The following PRDX3 variants were observed in gnomAD, a reference collection of about 807,000 sequenced individuals.
PRDX3 encodes peroxiredoxin 3, also known as thioredoxin-dependent peroxide reductase, mitochondrial.
PRDX3 carries 20 observed loss-of-function variants against 30.4 expected under a neutral mutation model. The observed-to-expected ratio is 0.66, with a 90% CI of 0.46 to 0.96. The LOEUF (loss-of-function observed/expected upper bound fraction) is 0.96, where lower values mean the gene tolerates loss of function less well. Among genes scored for constraint, PRDX3 ranks in the 40% least tolerant of loss-of-function variants. PRDX3 has a pLI of 0.00. For missense variants in PRDX3, 322 were observed against 318.3 expected (o/e 1.01, Z -0.09); for synonymous variants, 124 against 117.8 (o/e 1.05, Z -0.34).
intron 5 of PRDX3, 28 bp from the exon 6 acceptor site, chr10:119,169,370 C>T (rs1422048559): frequency 6.3e-7 from 1 of 1,597,930 alleles, no homozygotes; most frequent in African/African-American, 1.3e-5. Flanking sequence ...CTCATCAGTG[C>T]CTCAACAGTA....
chr10:119,177,066 T>G lies in PRDX3; in HGVS notation c.124A>C (p.Asn42His). The G allele has an allele frequency of 6.2e-7, 1 of 1,614,104 alleles. No homozygotes were observed. The highest frequency in any genetic ancestry group is 8.5e-7 in the Non-Finnish European group (1 of 1,179,954). ...PAACGRTSLT[N>H]LLCSGSSQAK... ...TGACTGGAACCAGAACACAATAAAT[T>G]TGTCAAGCTCGTTCTTCCACATGCA... The change falls in exon 2 of 7, where the codon AAT (asparagine) becomes CAT (histidine). Residue 42 changes from asparagine (N) to histidine (H), a missense_variant. Coordinates refer to ENST00000298510, the MANE Select transcript of PRDX3 (RefSeq NM_006793.5).
intron 2 of PRDX3, chr10:119,174,872 T>C (rs986940341): frequency 2.3e-5 from 7 of 304,890 alleles, no homozygotes; most frequent in Non-Finnish European, 4.2e-5. Flanking sequence ...ATCTCTAGAT[T>C]ACTCATAATA....
intron 2 of PRDX3, among the ~76,000 whole-genome samples, chr10:119,176,094 T>C (rs1197228641): frequency 6.6e-6 from 1 of 152,010 alleles, no homozygotes; most frequent in African/African-American, 2.4e-5. Context: ...TCGATTTCAG[T>C]GATCTTAGAC....
chr10:119,178,395 T>TGTAG (rs1286473007), intron 1 of PRDX3, among the ~76,000 whole-genome samples: 25 of 152,332 alleles, frequency 1.6e-4, no homozygotes, highest in African/African-American at 6.0e-4. Flanking sequence ...AACGCCTTGA[T>TGTAG]GTAGGCATCA....
At chr10:119,175,614 C>A (rs952653776) in intron 2 of PRDX3, among the ~76,000 whole-genome samples, 1 of 152,018 alleles carries the variant, frequency 6.6e-6, no homozygotes, top group African/African-American at 2.4e-5. Flanking sequence ...CCAGGATGGT[C>A]TCCATCTCCT....
rs1031522345 is a variant in PRDX3 at position 119,168,666 on chromosome 10, G to C, written c.718-133C>G. 4.1e-6 allele frequency: 6 copies of C among 1,464,170 alleles called. No individual in the cohort carries two copies. The African/African-American group carries it at 5.7e-5, about 14-fold the overall frequency. The allele number at this position is 1,464,170 out of a possible 1,614,324, so 90.7% of individuals were successfully genotyped here. On this transcript the variant is annotated intron_variant, in intron 6 of 6. Transcript: ENST00000298510. ...AAGATTTCCTTTAAAACATAAAGATGAAAGTTTCATTAAGGCCTGCCTGTC... is the reference window on the plus strand; with the variant it reads ...AAGATTTCCTTTAAAACATAAAGATCAAAGTTTCATTAAGGCCTGCCTGTC...
At chr10:119,168,833 G>T (rs575448748) in intron 6 of PRDX3, among the ~76,000 whole-genome samples, 1 of 152,192 alleles carries the variant, frequency 6.6e-6, no homozygotes, top group Non-Finnish European at 1.5e-5. Flanking sequence ...AAAATTAGCC[G>T]TGGTGGTGGG....
chr10:119,168,426 G>C lies in PRDX3; in HGVS notation c.*54C>G. 1 of 1,608,686 alleles carries C rather than the reference G, an allele frequency of 6.2e-7. No homozygotes were observed. Among genetic ancestry groups the C allele is most frequent in the Non-Finnish European group, 8.5e-7 (1 of 1,178,978 alleles). On this transcript the variant is annotated 3_prime_UTR_variant, in exon 7 of 7. Transcript: ENST00000298510. Reference sequence around the variant, plus strand: ...ACCATCTTGAAAATGATAAAAGCAGGTTTCAACTGTGGTTCTTCTCTCAGT... The same window carrying C: ...ACCATCTTGAAAATGATAAAAGCAGCTTTCAACTGTGGTTCTTCTCTCAGT...
Position 119,168,446 on chromosome 10 carries a change from C to G in PRDX3, c.*34G>C. ...AGCAGGTTTCAACTGTGGTTCTTCTCTCAGTTGAGAAGGTGCAGATACACA... is the reference window on the plus strand; with the variant it reads ...AGCAGGTTTCAACTGTGGTTCTTCTGTCAGTTGAGAAGGTGCAGATACACA... On this transcript the variant is annotated 3_prime_UTR_variant, in exon 7 of 7. Coordinates refer to ENST00000298510, the MANE Select transcript of PRDX3 (RefSeq NM_006793.5). 1 of 1,610,558 alleles carries G rather than the reference C, an allele frequency of 6.2e-7. No homozygotes were observed. Among genetic ancestry groups the G allele is most frequent in the East Asian group, 2.2e-5 (1 of 44,846 alleles).
chr10:119,172,560 G>C (rs1019254698), intron 4 of PRDX3, 75 bp from the exon 5 acceptor site: 2 of 1,206,606 alleles, frequency 1.7e-6, no homozygotes, highest in East Asian at 2.3e-5. Context: ...CAATGTTTGA[G>C]ACCAACAGTA....
At chr10:119,176,197 GA>G (rs1848022267) in intron 2 of PRDX3, among the ~76,000 whole-genome samples, 1 of 152,188 alleles carries the variant, frequency 6.6e-6, no homozygotes, top group African/African-American at 2.4e-5. Context: ...ACCCAGGAAT[GA>G]GCGACAGAGT....
At chr10:119,176,940 C>CA (rs1848042748) in intron 2 of PRDX3, 81 bp downstream of exon 2, 1 of 1,566,466 alleles carries the variant, frequency 6.4e-7, no homozygotes, top group East Asian at 2.2e-5. Context: ...AACGTTTGGC[C>CA]AGGGTTCAGA....
At chr10:119,177,224 A>C (rs1351214524) in intron 1 of PRDX3, 71 bp from the exon 2 acceptor site, 13 of 1,538,024 alleles carry the variant, frequency 8.5e-6, no homozygotes, top group Non-Finnish European at 1.2e-5. Context: ...GCATCGTGCC[A>C]ACGGTGGTTT....
At chr10:119,178,640 A>G (rs1378360327) in intron 1 of PRDX3, 115 bp downstream of exon 1, 1 of 1,312,802 alleles carries the variant, frequency 7.6e-7, no homozygotes, top group East Asian at 2.5e-5. Context: ...ACCCGCGGAA[A>G]CCCTCCAAGA....
rs371110206 is a variant in PRDX3 at position 119,173,701 on chromosome 10, T to A, written c.447+36A>T. 4 of 1,599,618 alleles carry A rather than the reference T, an allele frequency of 2.5e-6. No individual in the cohort carries two copies. In the African/African-American group the frequency reaches 5.4e-5, roughly 22 times the overall value. ...AGAAATTTAGATTCTTCCAAGCAAGTTTATAAGAGCAAAAGCTAGGGGTAC... is the reference window on the plus strand; with the variant it reads ...AGAAATTTAGATTCTTCCAAGCAAGATTATAAGAGCAAAAGCTAGGGGTAC... On this transcript the variant is annotated intron_variant, in intron 4 of 6. Coordinates refer to ENST00000298510, the MANE Select transcript of PRDX3 (RefSeq NM_006793.5).
intron 4 of PRDX3, among the ~76,000 whole-genome samples, chr10:119,173,463 G>A (rs570100189): frequency 6.6e-6 from 1 of 152,150 alleles, no homozygotes; most frequent in Admixed American, 6.5e-5. Flanking sequence ...TACAAAATTA[G>A]CCAGGGGTGG....
intron 5 of PRDX3, among the ~76,000 whole-genome samples, chr10:119,171,456 T>A (rs1181297139): frequency 6.6e-6 from 1 of 152,124 alleles, no homozygotes; most frequent in Non-Finnish European, 1.5e-5. Context: ...CCTCCTTCAC[T>A]CCTATTCTCA....
At position 119,168,153 on chromosome 10, in the gene PRDX3, G is replaced by T. The variant is rs188628226; in HGVS notation, c.*327C>A. 11 of 263,026 alleles carry T rather than the reference G, an allele frequency of 4.2e-5. No individual in the cohort carries two copies. The East Asian group carries it at 1.2e-3, about 29-fold the overall frequency. The allele number at this position is 263,026 out of a possible 1,614,324, so 16.3% of individuals were successfully genotyped here. A position where few individuals can be genotyped will look rare whatever the true frequency, so the allele number is the denominator to read the frequency against. ...TGTGTGTTGCTCTACTTTATTATAG[G>T]CAAGATTCAAGTAAGGCTAAGAAAG... On this transcript the variant is annotated 3_prime_UTR_variant, in exon 7 of 7. Coordinates refer to ENST00000298510, the MANE Select transcript of PRDX3 (RefSeq NM_006793.5).
chr10:119,168,468 C>T lies in PRDX3; in HGVS notation c.*12G>A. ...TCTCTCAGTTGAGAAGGTGCAGATA[C>T]ACATGGGTGATCTACTGATTTACCT... On this transcript the variant is annotated 3_prime_UTR_variant, in exon 7 of 7. Coordinates refer to ENST00000298510, the MANE Select transcript of PRDX3 (RefSeq NM_006793.5). 1 of 1,613,492 alleles carries T rather than the reference C, an allele frequency of 6.2e-7. No homozygotes were observed. The highest frequency in any genetic ancestry group is 8.5e-7 in the Non-Finnish European group (1 of 1,179,960).
Sources: allele counts gnomAD v4.1 joint callset (sites outside exome capture counted in the v4.1 genomes callset), GRCh38; gene constraint gnomAD v4.1.1; transcripts MANE v1.5; gene names NCBI Gene and HGNC (gene_info 2026-07-23, HGNC 2026-07-21).